HERC3: variants seen among roughly 807,000 people sequenced by gnomAD.
HERC3 encodes the protein probable E3 ubiquitin-protein ligase HERC3.
In HERC3, 58 loss-of-function variants were observed where a neutral mutation model predicts 129.9. The ratio of observed to expected loss-of-function variants is 0.45; its 90% CI spans 0.36 to 0.56. The LOEUF is 0.56. Among genes scored for constraint, HERC3 ranks in the 20% least tolerant of loss-of-function variants. The pLI is 0.00. For synonymous variants in HERC3, 430 were observed against 451.0 expected (o/e 0.95, Z 0.59); for missense variants, 835 against 1,244.2 (o/e 0.67, Z 4.95).
chr4:88,555,999 G>A, the HERC3 span, among the ~76,000 whole-genome samples: 2 of 152,204 alleles, frequency 1.3e-5, no homozygotes, highest in Non-Finnish European at 2.9e-5. Flanking sequence ...TGGGGAGAGG[G>A]GTCAGAAGAA....
At chr4:88,656,146 A>C (rs1729871965) in intron 9 of HERC3, 111 bp downstream of exon 9, 1 of 1,035,456 alleles carries the variant, frequency 9.7e-7, no homozygotes, top group South Asian at 1.6e-5. Context: ...AATGAAGATA[A>C]GGTATTTTTT....
intron 21 of HERC3, among the ~76,000 whole-genome samples, chr4:88,681,866 G>A (rs981927049): frequency 6.6e-6 from 1 of 152,056 alleles, no homozygotes; most frequent in African/African-American, 2.4e-5. Flanking sequence ...ATAGATTATT[G>A]TAAACTATGG....
chr4:88,702,365 G>C (rs2149348740), intron 23 of HERC3, among the ~76,000 whole-genome samples: 1 of 152,306 alleles, frequency 6.6e-6, no homozygotes, highest in South Asian at 2.1e-4. Flanking sequence ...CACAGGCATG[G>C]AGAAGTTAAA....
At chr4:88,688,270 C>T (rs372104575) in intron 23 of HERC3, among the ~76,000 whole-genome samples, 3 of 152,058 alleles carry the variant, frequency 2.0e-5, no homozygotes, top group Admixed American at 6.6e-5. Context: ...TACTGGTGTA[C>T]GGATGAAGGG....
At chr4:88,612,731 AT>A (rs1724486311) in intron 3 of HERC3, among the ~76,000 whole-genome samples, 1 of 152,042 alleles carries the variant, frequency 6.6e-6, no homozygotes, top group Non-Finnish European at 1.5e-5. Flanking sequence ...CCATGAATTT[AT>A]TTTATAATTT....
the HERC3 span, among the ~76,000 whole-genome samples, chr4:88,533,787 C>T: frequency 4.6e-5 from 7 of 152,224 alleles, no homozygotes; most frequent in Admixed American, 3.9e-4. Context: ...TTTATCTCTA[C>T]TTTTCTAACA....
intron 3 of HERC3, among the ~76,000 whole-genome samples, chr4:88,614,482 C>T (rs1173667069): frequency 1.3e-5 from 2 of 152,066 alleles, no homozygotes; most frequent in African/African-American, 2.4e-5. Flanking sequence ...CTTGCCCACC[C>T]AGAAGCTTGT....
intron 3 of HERC3, among the ~76,000 whole-genome samples, chr4:88,640,941 C>T (rs1728025799): frequency 6.6e-6 from 1 of 152,058 alleles, no homozygotes; most frequent in African/African-American, 2.4e-5. Context: ...TATAGAAGTT[C>T]ACCATCAAAC....
chr4:88,527,634 G>A, the HERC3 span: 2 of 265,862 alleles, frequency 7.5e-6, no homozygotes, highest in East Asian at 2.3e-4. Flanking sequence ...GTTTGGGAGT[G>A]CTCTTCCATA....
intron 3 of HERC3, among the ~76,000 whole-genome samples, chr4:88,624,304 A>G (rs1438318118): frequency 6.6e-6 from 1 of 152,202 alleles, no homozygotes; most frequent in East Asian, 1.9e-4. Flanking sequence ...TTGCTGGTTC[A>G]TATGGTAAGT....
At chr4:88,673,140 A>C (rs113686249) in intron 16 of HERC3, among the ~76,000 whole-genome samples, 1 of 152,212 alleles carries the variant, frequency 6.6e-6, no homozygotes, top group Admixed American at 6.5e-5. Flanking sequence ...ACAAGTGGGG[A>C]AAGTCAGTGC....
At chr4:88,629,156 TCAAAA>T (rs1239827688) in intron 3 of HERC3, among the ~76,000 whole-genome samples, 2 of 152,288 alleles carry the variant, frequency 1.3e-5, no homozygotes, top group East Asian at 1.9e-4. Flanking sequence ...AGACTCTGGC[TCAAAA>T]CAAAACAAAA....
intron 9 of HERC3, 156 bp downstream of exon 9, chr4:88,656,191 T>C: frequency 1.5e-6 from 1 of 689,106 alleles, no homozygotes; most frequent in East Asian, 2.7e-5. Context: ...TTACTATGCA[T>C]GAAGCTGTAG....
At chr4:88,555,215 G>A in the HERC3 span, among the ~76,000 whole-genome samples, 4 of 151,362 alleles carry the variant, frequency 2.6e-5, no homozygotes, top group South Asian at 2.1e-4. Flanking sequence ...CCTGGGAGGC[G>A]GAGGTTGCAG....
intron 3 of HERC3, among the ~76,000 whole-genome samples, chr4:88,616,634 A>G (rs569582645): frequency 6.6e-6 from 1 of 152,280 alleles, no homozygotes; most frequent in Non-Finnish European, 1.5e-5. Flanking sequence ...GCCTAAGAAG[A>G]GCTCACTCTG....
intron 3 of HERC3, among the ~76,000 whole-genome samples, chr4:88,624,350 A>G (rs72882950): frequency 0.082 from 12,449 of 152,260 alleles, 730 homozygotes; most frequent in South Asian, 0.23. Flanking sequence ...CCAGTAATTT[A>G]TGAGAGTTCT....
chr4:88,704,639 T>C (rs1735619139), intron 25 of HERC3, 29 bp downstream of exon 25: 4 of 1,358,320 alleles, frequency 2.9e-6, no homozygotes, highest in Non-Finnish European at 4.2e-6. Context: ...AATATGGTAT[T>C]TGTCTACATT....
intron 2 of HERC3, among the ~76,000 whole-genome samples, chr4:88,603,408 A>T (rs978922321): frequency 2.0e-5 from 3 of 151,930 alleles, no homozygotes; most frequent in Admixed American, 1.3e-4. Flanking sequence ...CGGTTTCACC[A>T]TGTTGGTCAG....
intron 2 of HERC3, chr4:88,598,194 A>G (rs1480301931): frequency 2.0e-5 from 3 of 152,228 alleles, no homozygotes; most frequent in African/African-American, 7.2e-5. Flanking sequence ...AAACAAAGGG[A>G]TAAGAATGAG....
Sources: allele counts gnomAD v4.1 joint callset (sites outside exome capture counted in the v4.1 genomes callset), GRCh38; gene constraint gnomAD v4.1.1; transcripts MANE v1.5; gene names NCBI Gene and HGNC (gene_info 2026-07-23, HGNC 2026-07-21).